The following TRRAP variants were observed in gnomAD, a reference collection of about 807,000 sequenced individuals.
TRRAP encodes the protein transformation/transcription domain associated protein.
TRRAP carries 41 observed loss-of-function variants against 438.8 expected under a neutral mutation model. That is an observed-to-expected ratio of 0.09 (90% CI 0.07 to 0.12). The LOEUF (loss-of-function observed/expected upper bound fraction) is 0.12. TRRAP is among the 10% of genes least tolerant of loss of function. The pLI is 1.00. For synonymous variants in TRRAP, 1,994 were observed against 1,962.9 expected (o/e 1.02, Z -0.42); for missense variants, 3,122 against 5,055.1 (o/e 0.62, Z 11.60).
chr7:98,950,364 ATAG>A (rs782817086), intron 38 of TRRAP, 102 bp downstream of exon 38: 58 of 1,353,854 alleles, frequency 4.3e-5, no homozygotes, highest in Non-Finnish European at 5.4e-5. Flanking sequence ...TCTTGAATAA[ATAG>A]TAGAGTGAGC....
Position 98,890,420 on chromosome 7 carries a change from A to G in TRRAP, c.236A>G (p.Gln79Arg), listed in dbSNP as rs1479844635. 1.9e-6 allele frequency: 3 copies of G among 1,603,862 alleles called. No individual in the cohort carries two copies. Among genetic ancestry groups the G allele is most frequent in the Non-Finnish European group, 2.5e-6 (3 of 1,176,854 alleles). The change falls in exon 4 of 73, where the codon CAG (glutamine) becomes CGG (arginine). Residue 79 changes from glutamine (Q) to arginine (R), a missense_variant. Physicochemically the swap from Gln to Arg is conservative, Grantham distance 43. Transcript: ENST00000456197. Reference sequence around the variant, plus strand: ...ACATTTCTCCAAGATGGAGAAGTTCAGTTTCTTCAGGAGAAACCAGCACAG... The same window carrying G: ...ACATTTCTCCAAGATGGAGAAGTTCGGTTTCTTCAGGAGAAACCAGCACAG... ...FLTFLQDGEV[Q>R]FLQEKPAQQL...
At chr7:98,930,583 A>G in intron 24 of TRRAP, 50 bp from the exon 25 acceptor site, 1 of 1,604,132 alleles carries the variant, frequency 6.2e-7, no homozygotes, top group Admixed American at 1.7e-5. Flanking sequence ...TGTCTCAAAA[A>G]AAACAAGAAT....
At chr7:98,970,071 G>C (rs376342917) in intron 51 of TRRAP, 41 bp from the exon 52 acceptor site, 11 of 1,602,368 alleles carry the variant, frequency 6.9e-6, no homozygotes, top group Non-Finnish European at 9.4e-6. Flanking sequence ...TGAATGCCAC[G>C]CGCATGCCTT....
intron 39 of TRRAP, 77 bp from the exon 40 acceptor site, chr7:98,953,090 T>G: frequency 4.0e-6 from 6 of 1,483,162 alleles, no homozygotes; most frequent in Admixed American, 1.9e-5. Context: ...TTTTTAAGGC[T>G]TAAACCTGTC....
At position 98,957,998 on chromosome 7, in the gene TRRAP, G is replaced by T. The variant is rs1791704448; in HGVS notation, c.6249G>T (p.Gln2083His). Reference sequence around the variant, plus strand: ...TTTTCCAGGTCTTTGGGAGGAGCCAGTCGCTACCTGGAGCAGACTCTCTCC... The same window carrying T: ...TTTTCCAGGTCTTTGGGAGGAGCCATTCGCTACCTGGAGCAGACTCTCTCC... ...GAISAVFGRS[Q>H]SLPGADSLLA... is the part of the protein sequence containing the mutation. The change falls in exon 44 of 73, where the codon CAG (glutamine) becomes CAT (histidine). Residue 2083 changes from glutamine to histidine, a missense_variant. Coordinates refer to ENST00000456197, the MANE Select transcript of TRRAP (RefSeq NM_001375524.1). 6.2e-7 allele frequency: 1 copy of T among 1,614,126 alleles called. No individual in the cohort carries two copies. The highest frequency in any genetic ancestry group is 8.5e-7 in the Non-Finnish European group (1 of 1,180,014).
In TRRAP at chr7:98,921,734, A is replaced by G. The variant is rs782642018; in HGVS notation, c.2623-19A>G. On this transcript the variant is annotated intron_variant, in intron 20 of 72. Coordinates refer to ENST00000456197, the MANE Select transcript of TRRAP (RefSeq NM_001375524.1). The stretch of plus-strand genomic sequence containing the variant: ...GCATTACCTTAAGAGGACCTTAATG[A>G]AAGCACGCTGATTTTCAGGCTCTGT... 11 of 1,613,494 alleles carry G rather than the reference A, an allele frequency of 6.8e-6. No individual in the cohort carries two copies. The highest frequency in any genetic ancestry group is 5.0e-5 in the Admixed American group (3 of 59,998).
At chr7:98,910,018 T>G in intron 14 of TRRAP, 38 bp from the exon 15 acceptor site, 7 of 1,528,312 alleles carry the variant, frequency 4.6e-6, no homozygotes, top group East Asian at 2.3e-5. Context: ...TGAAGAAGAA[T>G]AATTCTGTCT....
At chr7:98,897,686 T>TTG in intron 7 of TRRAP, 55 bp from the exon 8 acceptor site, 1 of 1,558,054 alleles carries the variant, frequency 6.4e-7, no homozygotes, top group Non-Finnish European at 8.7e-7. Context: ...GTTTTGTTTT[T>TTG]GAATGAATAT....
intron 27 of TRRAP, among the ~76,000 whole-genome samples, chr7:98,934,077 ATTTGT>A (rs774205729): frequency 9.7e-4 from 148 of 152,252 alleles, no homozygotes; most frequent in Non-Finnish European, 1.7e-3. Context: ...TCTTATGAGT[ATTTGT>A]CACTGTAAAC....
At chr7:98,955,552 C>G (rs182576593) in intron 41 of TRRAP, among the ~76,000 whole-genome samples, 21 of 152,206 alleles carry the variant, frequency 1.4e-4, no homozygotes, top group Admixed American at 1.2e-3. Context: ...AGTACTGTGC[C>G]CAGTTAACCC....
chr7:98,947,717 A>G (rs1442758718), intron 33 of TRRAP, among the ~76,000 whole-genome samples: 1 of 152,182 alleles, frequency 6.6e-6, no homozygotes, highest in African/African-American at 2.4e-5. Context: ...CAGCCTCCCA[A>G]AGTGCTGGGA....
chr7:99,010,151 G>A (rs530235601), intron 70 of TRRAP, among the ~76,000 whole-genome samples: 1 of 152,094 alleles, frequency 6.6e-6, no homozygotes, highest in African/African-American at 2.4e-5. Context: ...CTCCCAAAGC[G>A]CTGGGATTAC....
chr7:98,965,642 T>C (rs1584370246), intron 48 of TRRAP, 54 bp from the exon 49 acceptor site: 1 of 1,608,630 alleles, frequency 6.2e-7, no homozygotes. Flanking sequence ...AGTGGCTGCC[T>C]GTTTAAATCA....
At position 98,930,671 on chromosome 7, in the gene TRRAP, C is replaced by T; in HGVS notation, c.3432C>T (p.Arg1144=). ...QLPLFSYIVE[R]LCACCYEQAW... is the part of the protein sequence containing the mutation. Reference sequence around the variant, plus strand: ...CCCTGTTTTCTTACATCGTGGAGCGCCTGTGTGCATGTTGTTATGAACAGG... The same window carrying T: ...CCCTGTTTTCTTACATCGTGGAGCGTCTGTGTGCATGTTGTTATGAACAGG... The change falls in exon 25 of 73, where the codon CGC becomes CGT. Residue 1144 remains arginine (R), a synonymous_variant. Coordinates refer to ENST00000456197, the MANE Select transcript of TRRAP (RefSeq NM_001375524.1). 6.2e-7 allele frequency: 1 copy of T among 1,614,130 alleles called. No individual in the cohort carries two copies.
Position 98,964,767 on chromosome 7 carries a change from C to T in TRRAP, c.6968C>T (p.Ala2323Val). 6.2e-7 allele frequency: 1 copy of T among 1,612,460 alleles called. No individual in the cohort carries two copies. The highest frequency in any genetic ancestry group is 8.5e-7 in the Non-Finnish European group (1 of 1,179,260). The change falls in exon 48 of 73, where the codon GCC becomes GTC. Residue 2323 changes from alanine (A) to valine (V), a missense_variant. Around this residue, in one of 24 missense-constraint regions of TRRAP, gnomAD observed 992 missense variants for 1,281.2 expected, o/e 0.77. Coordinates refer to ENST00000456197, the MANE Select transcript of TRRAP (RefSeq NM_001375524.1). ...CAGGCAGCGTCAGGAAGCACCGAAGCCACCTCAGGTGATGTGCTGGCCACC... is the reference window on the plus strand; with the variant it reads ...CAGGCAGCGTCAGGAAGCACCGAAGTCACCTCAGGTGATGTGCTGGCCACC... The part of the protein sequence containing the change: ...NPQAASGSTE[A>V]TSGTSELVML...
chr7:99,010,133 A>G (rs1006233054), intron 70 of TRRAP, among the ~76,000 whole-genome samples: 3 of 151,556 alleles, frequency 2.0e-5, no homozygotes, highest in African/African-American at 7.3e-5. Flanking sequence ...TGATCCACCC[A>G]CCTCGGCCTC....
chr7:98,973,010 C>G (rs975493057), intron 53 of TRRAP, among the ~76,000 whole-genome samples: 2 of 152,124 alleles, frequency 1.3e-5, no homozygotes, highest in African/African-American at 4.8e-5. Flanking sequence ...GACAGGGTCT[C>G]ACTCTGTTGC....
intron 43 of TRRAP, among the ~76,000 whole-genome samples, chr7:98,957,537 G>A (rs1791674582): frequency 6.6e-6 from 1 of 152,184 alleles, no homozygotes; most frequent in Admixed American, 6.5e-5. Context: ...ACCAGGCCCT[G>A]CTGATGGCTC....
At chr7:98,945,986 T>A (rs782446295) in intron 33 of TRRAP, 36 bp downstream of exon 33, 1 of 1,417,636 alleles carries the variant, frequency 7.1e-7, no homozygotes, top group Non-Finnish European at 9.2e-7. Flanking sequence ...AGGGGGTTGT[T>A]GTCGTTGCTG....
Sources: allele counts gnomAD v4.1 joint callset (sites outside exome capture counted in the v4.1 genomes callset), GRCh38; gene constraint gnomAD v4.1.1; regional missense constraint gnomAD v4.1.1; transcripts MANE v1.5; gene names NCBI Gene and HGNC (gene_info 2026-07-23, HGNC 2026-07-21).